KHDRBS2: variants seen among roughly 807,000 people sequenced by gnomAD.
KHDRBS2 encodes the protein KH RNA binding domain containing, signal transduction associated 2.
A neutral mutation model predicts 44.3 loss-of-function variants in KHDRBS2; 26 were observed. The ratio of observed to expected loss-of-function variants is 0.59; its 90% CI spans 0.43 to 0.81. The LOEUF (loss-of-function observed/expected upper bound fraction) is 0.81. KHDRBS2 is among the 40% of genes least tolerant of loss of function. The probability of loss-of-function intolerance (pLI) is 0.00; values close to 1 mark genes in which losing one functional copy is unlikely to be tolerated. For missense variants in KHDRBS2, 476 were observed against 433.1 expected (o/e 1.10, Z -0.88); for synonymous variants, 194 against 151.1 (o/e 1.28, Z -2.08).
intron 2 of KHDRBS2, among the ~76,000 whole-genome samples, chr6:62,071,031 T>TC (rs1017334666): frequency 6.2e-4 from 95 of 152,080 alleles, no homozygotes; most frequent in African/African-American, 2.2e-3. Context: ...TGATCGCCAT[T>TC]TAACTGGTGT....
chr6:62,186,273 G>A (rs1331708919), intron 1 of KHDRBS2, among the ~76,000 whole-genome samples: 1 of 152,036 alleles, frequency 6.6e-6, no homozygotes, highest in East Asian at 1.9e-4. Context: ...TCCTAAAACG[G>A]CTGTAAGGAT....
intron 7 of KHDRBS2, among the ~76,000 whole-genome samples, chr6:61,714,926 G>A (rs1308224133): frequency 3.9e-5 from 6 of 151,900 alleles, no homozygotes; most frequent in Non-Finnish European, 5.9e-5. Context: ...AGTGGGTGAT[G>A]AGAAATTACT....
intron 6 of KHDRBS2, among the ~76,000 whole-genome samples, chr6:61,751,830 T>A (rs531553829): frequency 6.6e-6 from 1 of 152,152 alleles, no homozygotes; most frequent in Non-Finnish European, 1.5e-5. Context: ...GATGAAGGTG[T>A]CAAAGGTGTC....
intron 2 of KHDRBS2, among the ~76,000 whole-genome samples, chr6:62,091,895 G>C (rs576104776): frequency 1.3e-5 from 2 of 152,054 alleles, no homozygotes; most frequent in Non-Finnish European, 2.9e-5. Flanking sequence ...TTCTCATTAC[G>C]TATTAATTAT....
At chr6:62,158,952 T>A (rs1434612140) in intron 2 of KHDRBS2, among the ~76,000 whole-genome samples, 1 of 152,152 alleles carries the variant, frequency 6.6e-6, no homozygotes, top group Admixed American at 6.5e-5. Context: ...ACTGTTCAAA[T>A]GTACTATAGC....
intron 6 of KHDRBS2, among the ~76,000 whole-genome samples, chr6:61,864,648 C>G (rs1442911432): frequency 6.6e-6 from 1 of 152,148 alleles, no homozygotes; most frequent in Non-Finnish European, 1.5e-5. Flanking sequence ...GTCTGATAAG[C>G]TTCCCTTTGC....
chr6:61,642,436 G>T, the KHDRBS2 span, among the ~76,000 whole-genome samples: 3 of 150,784 alleles, frequency 2.0e-5, no homozygotes, highest in Non-Finnish European at 4.4e-5. Context: ...CAGGCGGATT[G>T]CTTGAGCCCA....
At chr6:62,280,373 T>A (rs540656421) in intron 1 of KHDRBS2, among the ~76,000 whole-genome samples, 1 of 151,800 alleles carries the variant, frequency 6.6e-6, no homozygotes, top group South Asian at 2.1e-4. Flanking sequence ...CAAGAAACGG[T>A]CAAAAAAGGA....
At chr6:61,592,514 A>C in the KHDRBS2 span, among the ~76,000 whole-genome samples, 3 of 152,318 alleles carry the variant, frequency 2.0e-5, no homozygotes, top group South Asian at 4.1e-4. Context: ...ATAAAGGGGC[A>C]GGCCTGAGAG....
intron 1 of KHDRBS2, among the ~76,000 whole-genome samples, chr6:62,268,656 A>G (rs974697156): frequency 3.0e-4 from 46 of 152,148 alleles, no homozygotes; most frequent in African/African-American, 1.1e-3. Context: ...GTCCTTTTTA[A>G]TGGAAATGTT....
chr6:61,860,399 G>C (rs1172176623), intron 6 of KHDRBS2, among the ~76,000 whole-genome samples: 1 of 151,974 alleles, frequency 6.6e-6, no homozygotes, highest in Non-Finnish European at 1.5e-5. Context: ...AGCCTCCAGT[G>C]TGTGTTGTTT....
At chr6:61,716,740 AC>A (rs1347419175) in intron 7 of KHDRBS2, among the ~76,000 whole-genome samples, 1 of 152,030 alleles carries the variant, frequency 6.6e-6, no homozygotes, top group Non-Finnish European at 1.5e-5. Context: ...CATATGTTAA[AC>A]TTTTTTGTGT....
At chr6:61,813,056 T>C (rs1788376035) in intron 6 of KHDRBS2, among the ~76,000 whole-genome samples, 1 of 152,132 alleles carries the variant, frequency 6.6e-6, no homozygotes, top group Admixed American at 6.6e-5. Flanking sequence ...ATGTGCAAAG[T>C]AAATGTGTAT....
At chr6:61,851,192 G>GA (rs879367067) in intron 6 of KHDRBS2, among the ~76,000 whole-genome samples, 14 of 151,360 alleles carry the variant, frequency 9.2e-5, no homozygotes, top group African/African-American at 2.4e-4. Flanking sequence ...GAAAAAATGA[G>GA]AAAAAAATAT....
chr6:61,784,714 C>T (rs1431596813), intron 6 of KHDRBS2, among the ~76,000 whole-genome samples: 1 of 152,100 alleles, frequency 6.6e-6, no homozygotes, highest in African/African-American at 2.4e-5. Flanking sequence ...ATGATAATTT[C>T]ACATGGTTCA....
chr6:61,947,691 G>A (rs917822572), intron 4 of KHDRBS2, among the ~76,000 whole-genome samples: 2 of 151,926 alleles, frequency 1.3e-5, no homozygotes, highest in African/African-American at 4.8e-5. Context: ...AAAAAGTAGT[G>A]TGAATTTTCA....
At chr6:62,019,919 T>C (rs1398667658) in intron 3 of KHDRBS2, among the ~76,000 whole-genome samples, 2 of 152,016 alleles carry the variant, frequency 1.3e-5, no homozygotes, top group East Asian at 3.9e-4. Flanking sequence ...TTGTATTTTA[T>C]TTATGTTCAA....
chr6:62,262,400 C>T (rs531684659), intron 1 of KHDRBS2, among the ~76,000 whole-genome samples: 1 of 151,820 alleles, frequency 6.6e-6, no homozygotes, highest in Non-Finnish European at 1.5e-5. Flanking sequence ...TTAACCCCAA[C>T]TGAAATTACA....
intron 7 of KHDRBS2, among the ~76,000 whole-genome samples, chr6:61,721,203 C>T (rs1217838407): frequency 6.6e-6 from 1 of 152,072 alleles, no homozygotes; most frequent in Admixed American, 6.6e-5. Flanking sequence ...AGTTTGAAGT[C>T]AGGTAGTGTG....
Sources: gnomAD v4.1 joint callset for allele counts (sites outside exome capture counted in the v4.1 genomes callset) on GRCh38, gnomAD v4.1.1 for gene constraint, MANE v1.5 for transcripts, NCBI Gene and HGNC (gene_info 2026-07-23, HGNC 2026-07-21) for gene names.